Variants in SCN3A observed in about 807,000 individuals in gnomAD.
The protein encoded by SCN3A is sodium voltage-gated channel alpha subunit 3, also known as sodium channel protein type 3 subunit alpha.
In SCN3A, 60 loss-of-function variants were observed where a neutral mutation model predicts 187.6. That is an observed-to-expected ratio of 0.32 (90% CI 0.26 to 0.40). The LOEUF is 0.40. Among genes scored for constraint, SCN3A ranks in the 10% least tolerant of loss-of-function variants. The pLI is 1.00. For missense variants in SCN3A, 1,601 were observed against 2,428.2 expected (o/e 0.66, Z 7.16); for synonymous variants, 788 against 829.2 (o/e 0.95, Z 0.85).
At position 165,091,001 on chromosome 2, in the gene SCN3A, T is replaced by A. The variant is rs764222987; in HGVS notation, c.5152A>T (p.Ile1718Phe). 2 of 1,614,084 alleles carry A rather than the reference T, an allele frequency of 1.2e-6. No individual in the cohort carries two copies. The highest frequency in any genetic ancestry group is 1.7e-6 in the Non-Finnish European group (2 of 1,180,016). ...CAGTCGGGTGGTGCACTATTAAGAA[T>A]AGGTGCTAGCAATCCATCCCAGCCA... ...SAGWDGLLAP[I>F]LNSAPPDCDP... The change falls in exon 28 of 28, where the codon ATT becomes TTT. Residue 1718 changes from isoleucine to phenylalanine, a missense_variant. Physicochemically the swap from Ile to Phe is conservative, Grantham distance 21 (BLOSUM62 0). Around this residue, in one of 11 missense-constraint regions of SCN3A, gnomAD observed 320 missense variants for 623.2 expected, o/e 0.51. Coordinates refer to ENST00000283254, the MANE Select transcript of SCN3A (RefSeq NM_006922.4).
intron 19 of SCN3A, among the ~76,000 whole-genome samples, chr2:165,114,688 A>G (rs1686275702): frequency 1.3e-5 from 2 of 152,210 alleles, no homozygotes; most frequent in South Asian, 4.1e-4. Flanking sequence ...AAGCTTCACA[A>G]TACAGTTACA....
At position 165,115,444 on chromosome 2, in the gene SCN3A, A is replaced by G. The variant is rs762989572; in HGVS notation, c.3514+11T>C. 11 of 1,613,136 alleles carry G rather than the reference A, an allele frequency of 6.8e-6. No individual in the cohort carries two copies. The South Asian group carries it at 1.2e-4, about 18-fold the overall frequency. On this transcript the variant is annotated intron_variant, in intron 19 of 27. Coordinates refer to ENST00000283254, the MANE Select transcript of SCN3A (RefSeq NM_006922.4). ...GGGAGATTGTATTTAATCACATCAG[A>G]GCTTGTTTACCTTCAGTAAAACAAG... is the stretch of plus-strand genomic sequence containing the variant.
intron 18 of SCN3A, among the ~76,000 whole-genome samples, chr2:165,117,175 T>C (rs1209295146): frequency 6.6e-6 from 1 of 152,064 alleles, no homozygotes; most frequent in Non-Finnish European, 1.5e-5. Context: ...TTCTTCCAAT[T>C]TCACTGGTAG....
chr2:165,091,520 T>G (rs888081939), intron 27 of SCN3A, among the ~76,000 whole-genome samples, 175 bp from the exon 28 acceptor site: 2 of 152,212 alleles, frequency 1.3e-5, no homozygotes, highest in Non-Finnish European at 2.9e-5. Flanking sequence ...TATTCAGTGA[T>G]TCTGTAATGT....
At chr2:165,109,801 T>C (rs1333559018) in intron 21 of SCN3A, among the ~76,000 whole-genome samples, 1 of 152,236 alleles carries the variant, frequency 6.6e-6, no homozygotes, top group Non-Finnish European at 1.5e-5. Flanking sequence ...TTACATAATG[T>C]TAACATATAT....
intron 21 of SCN3A, 57 bp from the exon 22 acceptor site, chr2:165,100,481 G>T (rs2105660747): frequency 2.6e-6 from 4 of 1,557,960 alleles, no homozygotes; most frequent in Middle Eastern, 1.7e-4. Context: ...TTGACTGAAG[G>T]TATAGGGTGT....
intron 22 of SCN3A, among the ~76,000 whole-genome samples, chr2:165,099,368 C>T (rs1456698706): frequency 6.6e-6 from 1 of 152,118 alleles, no homozygotes; most frequent in Non-Finnish European, 1.5e-5. Context: ...GAAAATACAA[C>T]TGCTATAGAA....
chr2:165,128,451 A>G (rs1249363529), intron 17 of SCN3A, among the ~76,000 whole-genome samples: 2 of 149,812 alleles, frequency 1.3e-5, no homozygotes, highest in Non-Finnish European at 3.0e-5. Context: ...GAGAGAGAGA[A>G]AGATACTTTC....
chr2:165,186,396 T>C (rs1262435640), intron 2 of SCN3A, among the ~76,000 whole-genome samples, 155 bp downstream of exon 2: 2 of 152,178 alleles, frequency 1.3e-5, no homozygotes, highest in Admixed American at 1.3e-4. Flanking sequence ...TCTCCCTGTA[T>C]GTATTTGCCT....
chr2:165,189,216 A>T (rs1261048270), intron 1 of SCN3A, among the ~76,000 whole-genome samples: 1 of 152,236 alleles, frequency 6.6e-6, no homozygotes, highest in Non-Finnish European at 1.5e-5. Context: ...TGTTTAGGAT[A>T]TAGTATAAAG....
intron 18 of SCN3A, among the ~76,000 whole-genome samples, chr2:165,125,133 T>C (rs1321983121): frequency 2.0e-5 from 3 of 152,196 alleles, no homozygotes; most frequent in Non-Finnish European, 4.4e-5. Flanking sequence ...CTGTCTTTAA[T>C]ACCAAGCTCA....
chr2:165,123,133 T>G (rs1315236161), intron 18 of SCN3A, among the ~76,000 whole-genome samples: 1 of 152,106 alleles, frequency 6.6e-6, no homozygotes, highest in Non-Finnish European at 1.5e-5. Context: ...AAATTCTACA[T>G]TAGAGCTCCT....
At chr2:165,125,563 C>T (rs1320075025) in intron 18 of SCN3A, among the ~76,000 whole-genome samples, 1 of 152,152 alleles carries the variant, frequency 6.6e-6, no homozygotes, top group Non-Finnish European at 1.5e-5. Context: ...GTGATCCACT[C>T]GCCTCGGCCT....
intron 12 of SCN3A, among the ~76,000 whole-genome samples, chr2:165,145,392 A>G (rs1445714601): frequency 6.6e-6 from 1 of 152,096 alleles, no homozygotes; most frequent in Admixed American, 6.6e-5. Flanking sequence ...TACTGATTTG[A>G]TAATATATTT....
intron 12 of SCN3A, among the ~76,000 whole-genome samples, chr2:165,145,912 C>T (rs568836045): frequency 6.6e-6 from 1 of 152,184 alleles, no homozygotes; most frequent in East Asian, 1.9e-4. Context: ...GATTTTGTAA[C>T]TAATTATTCT....
At position 165,091,275 on chromosome 2, in the gene SCN3A, G is replaced by C; in HGVS notation, c.4878C>G (p.Ala1626=). 6.2e-7 allele frequency: 1 copy of C among 1,614,044 alleles called. No homozygotes were observed. The highest frequency in any genetic ancestry group is 8.5e-7 in the Non-Finnish European group (1 of 1,179,996). Reference sequence around the variant, plus strand: ...TCAGACGTAGGATTCGGCCAATCCTGGCAAGACGGATCACTCGGAACAAGG... The same window carrying C: ...TCAGACGTAGGATTCGGCCAATCCTCGCAAGACGGATCACTCGGAACAAGG... ...SPTLFRVIRL[A]RIGRILRLIK... is the part of the protein sequence containing the mutation. Residue 1626 remains alanine, a synonymous_variant, in exon 28 of 28, where the codon GCC becomes GCG. Coordinates refer to ENST00000283254, the MANE Select transcript of SCN3A (RefSeq NM_006922.4).
At chr2:165,173,654 CT>C (rs1172430802) in intron 3 of SCN3A, among the ~76,000 whole-genome samples, 3 of 152,102 alleles carry the variant, frequency 2.0e-5, no homozygotes, top group Admixed American at 6.5e-5. Context: ...TTACATAATG[CT>C]TTAAAGCTTT....
rs1387594463 is a variant in SCN3A at position 165,203,860 on chromosome 2, A to C, written c.-285T>G. The C allele has an allele frequency of 6.6e-6, 1 of 150,956 alleles. No homozygotes were observed. Among genetic ancestry groups the C allele is most frequent in the African/African-American group, 2.4e-5 (1 of 41,014 alleles). 9.4% of individuals were successfully genotyped at this position (150,956 alleles called of 1,614,324 possible). A position where few individuals can be genotyped will look rare whatever the true frequency, so the allele number is the denominator to read the frequency against. On this transcript the variant is annotated 5_prime_UTR_variant, in exon 1 of 28. Transcript: ENST00000283254. The stretch of plus-strand genomic sequence containing the variant: ...AGCCTTATGAATTACAGCATAACAA[A>C]GCCCAGCATCCAAGATGGTTAGGGT...
At chr2:165,138,894 T>C (rs181599570) in intron 14 of SCN3A, among the ~76,000 whole-genome samples, 2 of 152,304 alleles carry the variant, frequency 1.3e-5, no homozygotes, top group Admixed American at 1.3e-4. Context: ...CTGTGTGATG[T>C]ATGAACAAGT....
Sources: gnomAD v4.1 joint callset for allele counts (sites outside exome capture counted in the v4.1 genomes callset) on GRCh38, gnomAD v4.1.1 for gene constraint, gnomAD v4.1.1 regional missense constraint, MANE v1.5 for transcripts, NCBI Gene and HGNC (gene_info 2026-07-23, HGNC 2026-07-21) for gene names.